Variants in ZPBP observed in about 807,000 individuals in gnomAD.
ZPBP encodes the protein zona pellucida binding protein.
A neutral mutation model predicts 44.8 loss-of-function variants in ZPBP; 26 were observed. The ratio of observed to expected loss-of-function variants is 0.58; its 90% CI spans 0.43 to 0.81. ZPBP has a LOEUF of 0.81. ZPBP is among the 30% of genes least tolerant of loss of function. The pLI is 0.00. For missense variants in ZPBP, 409 were observed against 434.0 expected (o/e 0.94, Z 0.51); for synonymous variants, 174 against 153.2 (o/e 1.14, Z -1.00).
intron 1 of ZPBP, among the ~76,000 whole-genome samples, chr7:49,926,875 C>T (rs1015739055): frequency 3.9e-5 from 6 of 152,322 alleles, no homozygotes; most frequent in Non-Finnish European, 5.9e-5. Flanking sequence ...TGCAGAGGAG[C>T]GGCCCTCCAG....
intron 2 of ZPBP, among the ~76,000 whole-genome samples, chr7:49,868,001 T>C (rs1254375935): frequency 6.6e-6 from 1 of 151,968 alleles, no homozygotes; most frequent in Admixed American, 6.5e-5. Context: ...ACCTGACTAA[T>C]TTTTGTATTT....
Position 49,884,979 on chromosome 7 carries a change from A to G in ZPBP, n.509+16139T>C, listed in dbSNP as rs139206313. Among the ~76,000 whole-genome samples, 445 of 152,276 alleles carry G rather than the reference A, an allele frequency of 2.9e-3. 4 individuals are homozygous for G. The highest frequency in any genetic ancestry group is 0.01 in the African/African-American group (423 of 41,580). ...TCAAATAAAAAGATGAAAAGTATCAAATTTTTGAAATTAGGAAATAGGATA... is the reference window on the plus strand; with the variant it reads ...TCAAATAAAAAGATGAAAAGTATCAGATTTTTGAAATTAGGAAATAGGATA... On this transcript the variant is annotated intron_variant and non_coding_transcript_variant, in intron 2 of 2. Transcript: ENST00000465922.
At chr7:50,019,004 T>TA (rs1262899006) in intron 5 of ZPBP, among the ~76,000 whole-genome samples, 5 of 152,078 alleles carry the variant, frequency 3.3e-5, no homozygotes, top group Admixed American at 6.6e-5. Context: ...CTACAAGACT[T>TA]AAAAAATACA....
intron 3 of ZPBP, among the ~76,000 whole-genome samples, chr7:50,058,483 A>G (rs1264225379): frequency 6.6e-6 from 1 of 152,168 alleles, no homozygotes; most frequent in Non-Finnish European, 1.5e-5. Context: ...ACACATACAT[A>G]TATACATATA....
At chr7:49,848,105 G>A (rs937393440), downstream of ZPBP, among the ~76,000 whole-genome samples, 3 of 152,304 alleles carry the variant, frequency 2.0e-5, no homozygotes, top group East Asian at 5.8e-4. Flanking sequence ...TGGGAGAAAT[G>A]TAACAGGAGT....
At chr7:50,024,146 A>T (rs2128808535) in intron 5 of ZPBP, among the ~76,000 whole-genome samples, 1 of 152,194 alleles carries the variant, frequency 6.6e-6, no homozygotes, top group South Asian at 2.1e-4. Context: ...GTTGTCAAAA[A>T]GATGATAGAT....
In ZPBP at chr7:50,059,074, A is replaced by C. The variant is rs75113310; in HGVS notation, c.335-933T>G. ...TAAATCTGTTATTCTGAAAGTTCAT[A>C]ACCACAGTTTTTAATTAGAAAAATT... On this transcript the variant is annotated intron_variant, in intron 3 of 7. Transcript: ENST00000046087. Among the ~76,000 whole-genome samples the C allele has an allele frequency of 9.1e-4, 138 of 152,346 alleles. No homozygotes were observed. The East Asian group carries it at 0.025, about 27-fold the overall frequency.
At chr7:49,950,828 G>A (rs1280308811) in intron 7 of ZPBP, among the ~76,000 whole-genome samples, 1 of 151,666 alleles carries the variant, frequency 6.6e-6, no homozygotes, top group Non-Finnish European at 1.5e-5. Context: ...AAAGCTTCCA[G>A]TTGCGATGCC....
intron 4 of ZPBP, among the ~76,000 whole-genome samples, chr7:50,047,710 A>G (rs1267970037): frequency 6.6e-6 from 1 of 151,738 alleles, no homozygotes; most frequent in Admixed American, 6.6e-5. Context: ...GCTTGAAGCT[A>G]TGGCTCATAA....
At chr7:50,015,853 C>A (rs1180185957) in intron 6 of ZPBP, among the ~76,000 whole-genome samples, 1 of 151,952 alleles carries the variant, frequency 6.6e-6, no homozygotes, top group Non-Finnish European at 1.5e-5. Flanking sequence ...AAATCAAAAC[C>A]GCAATGAGAT....
At chr7:50,089,740 C>T (rs1293952082) in intron 1 of ZPBP, 31 bp from the exon 2 acceptor site, 1 of 1,524,566 alleles carries the variant, frequency 6.6e-7, no homozygotes, top group South Asian at 1.1e-5. Flanking sequence ...CAATTTGTCT[C>T]ATTAGATATT....
chr7:49,886,767 A>C (rs1466870551), intron 2 of ZPBP, among the ~76,000 whole-genome samples: 1 of 152,142 alleles, frequency 6.6e-6, no homozygotes, highest in Non-Finnish European at 1.5e-5. Flanking sequence ...AGCCTTTCTG[A>C]ATTTTTATTT....
intron 7 of ZPBP, among the ~76,000 whole-genome samples, chr7:49,945,149 A>G (rs1795049922): frequency 6.6e-6 from 1 of 152,150 alleles, no homozygotes; most frequent in Admixed American, 6.6e-5. Context: ...GTGTTCATAT[A>G]GTTTCAAAAT....
chr7:49,983,642 G>T (rs1797127061), intron 6 of ZPBP, 123 bp from the exon 7 acceptor site: 2 of 618,384 alleles, frequency 3.2e-6, no homozygotes, highest in Non-Finnish European at 2.8e-6. Context: ...ATTTTTTCTT[G>T]CACTCACAGA....
chr7:50,002,932 C>A (rs527842067), intron 6 of ZPBP, among the ~76,000 whole-genome samples: 3 of 152,164 alleles, frequency 2.0e-5, no homozygotes, highest in African/African-American at 4.8e-5. Flanking sequence ...TGTTATGTTA[C>A]CAAAAAATCT....
At chr7:49,962,483 C>A (rs1187500307) in intron 7 of ZPBP, among the ~76,000 whole-genome samples, 1 of 151,696 alleles carries the variant, frequency 6.6e-6, no homozygotes, top group East Asian at 1.9e-4. Flanking sequence ...AAACAATTTC[C>A]TTTGTCAACC....
intron 7 of ZPBP, among the ~76,000 whole-genome samples, chr7:49,955,815 T>A (rs2128761282): frequency 6.6e-6 from 1 of 152,248 alleles, no homozygotes; most frequent in South Asian, 2.1e-4. Flanking sequence ...ACAGATCCTA[T>A]GACATTAGAA....
intron 1 of ZPBP, among the ~76,000 whole-genome samples, chr7:49,909,935 A>G (rs1224768916): frequency 6.6e-6 from 1 of 151,762 alleles, no homozygotes; most frequent in African/African-American, 2.4e-5. Flanking sequence ...AAGACCTCAT[A>G]TCTCCAAAGA....
intron 1 of ZPBP, among the ~76,000 whole-genome samples, chr7:49,901,633 G>T (rs1792732958): frequency 6.6e-6 from 1 of 151,812 alleles, no homozygotes; most frequent in African/African-American, 2.4e-5. Flanking sequence ...TTGAGCAATA[G>T]ATTCAACACA....
Sources: gnomAD v4.1 joint callset for allele counts (sites outside exome capture counted in the v4.1 genomes callset) on GRCh38, gnomAD v4.1.1 for gene constraint, MANE v1.5 for transcripts, NCBI Gene and HGNC (gene_info 2026-07-23, HGNC 2026-07-21) for gene names.